NTM: variants seen among roughly 807,000 people sequenced by gnomAD.
NTM encodes the protein neurotrimin, also known as IgLON family member 2.
In NTM, 13 loss-of-function variants were observed where a neutral mutation model predicts 42.1. The ratio of observed to expected loss-of-function variants is 0.31; its 90% confidence interval spans 0.20 to 0.49. The LOEUF is 0.49. Among genes scored for constraint, NTM ranks in the 20% least tolerant of loss-of-function variants. The pLI, the probability that NTM is intolerant of heterozygous loss-of-function variation, is 0.99. For synonymous variants in NTM, 187 were observed against 179.2 expected (o/e 1.04, Z -0.35); for missense variants, 373 against 452.8 (o/e 0.82, Z 1.60).
At position 132,248,650 on chromosome 11, in the gene NTM, A is replaced by G. The variant is rs574214373; in HGVS notation, c.526+36503A>G. ...GTCTGGAAGTGCCCCTCCCTCAGAAATGGACGTCATATCAAGCTGGTGGCT... is the reference window on the plus strand; with the variant it reads ...GTCTGGAAGTGCCCCTCCCTCAGAAGTGGACGTCATATCAAGCTGGTGGCT... On this transcript the variant is annotated intron_variant, in intron 4 of 8. Coordinates refer to ENST00000683400, the MANE Select transcript of NTM (RefSeq NM_001352005.2). 5.9e-5 allele frequency among the ~76,000 whole-genome samples: 9 copies of G among 152,304 alleles called. No homozygotes were observed. In the South Asian group the frequency reaches 1.7e-3, roughly 28 times the overall value.
intron 1 of NTM, chr11:131,771,476 T>A (rs1240075063): frequency 6.6e-6 from 1 of 152,226 alleles, no homozygotes; most frequent in South Asian, 2.1e-4. Context: ...GCCTTAATCA[T>A]CTTCATCATC....
At chr11:131,623,682 C>A (rs1056211837) in intron 1 of NTM, among the ~76,000 whole-genome samples, 1 of 152,196 alleles carries the variant, frequency 6.6e-6, no homozygotes, top group South Asian at 2.1e-4. Context: ...GAGTGACCCC[C>A]GCAGATGGTT....
intron 3 of NTM, among the ~76,000 whole-genome samples, chr11:132,201,664 G>A (rs965905926): frequency 1.3e-5 from 2 of 152,176 alleles, no homozygotes; most frequent in African/African-American, 4.8e-5. Flanking sequence ...ATAAATCCTG[G>A]TCAGCACATC....
chr11:131,631,150 G>A (rs2063615382), intron 1 of NTM, among the ~76,000 whole-genome samples: 1 of 152,202 alleles, frequency 6.6e-6, no homozygotes, highest in South Asian at 2.1e-4. Flanking sequence ...CTAACAATTT[G>A]GTTACTCTCC....
At chr11:132,160,409 C>T (rs1216288755) in intron 3 of NTM, among the ~76,000 whole-genome samples, 1 of 152,202 alleles carries the variant, frequency 6.6e-6, no homozygotes, top group Non-Finnish European at 1.5e-5. Context: ...CTTCACCCCT[C>T]TCCTACCAAC....
At chr11:132,290,663 C>G (rs1297216952) in intron 4 of NTM, among the ~76,000 whole-genome samples, 1 of 152,166 alleles carries the variant, frequency 6.6e-6, no homozygotes, top group Non-Finnish European at 1.5e-5. Flanking sequence ...TACTATCTCT[C>G]TTTAATGGAC....
chr11:132,199,881 A>G (rs1032940331), intron 3 of NTM, among the ~76,000 whole-genome samples: 1 of 151,256 alleles, frequency 6.6e-6, no homozygotes, highest in Non-Finnish European at 1.5e-5. Flanking sequence ...TCGGGGGGAG[A>G]TAAAGGAATC....
Position 131,961,744 on chromosome 11 carries a change from C to T in NTM, c.167+50096C>T, listed in dbSNP as rs191735492. On this transcript the variant is annotated intron_variant, in intron 2 of 8. Transcript: ENST00000683400. ...CCCTGAGAGGGGGTCAAAAGTCAGACTGAGTGAGTGAGTCTTCCAGAACTG... is the reference window on the plus strand; with the variant it reads ...CCCTGAGAGGGGGTCAAAAGTCAGATTGAGTGAGTGAGTCTTCCAGAACTG... Among the ~76,000 whole-genome samples, 41 of 152,294 alleles carry T rather than the reference C, an allele frequency of 2.7e-4. No individual in the cohort carries two copies. The East Asian group carries it at 7.9e-3, about 29-fold the overall frequency.
Position 131,510,589 on chromosome 11 carries a change from A to C in NTM, c.82+139701A>C, listed in dbSNP as rs1487710329. ...TAACTTCAGCCTTAATTTTTTAAAA[A>C]TTCTAAAAACCAATTTCTATCTATC... On this transcript the variant is annotated intron_variant, in intron 1 of 8. Transcript: ENST00000683400. 2.0e-5 allele frequency among the ~76,000 whole-genome samples: 3 copies of C among 152,216 alleles called. No individual in the cohort carries two copies. In the East Asian group the frequency reaches 5.8e-4, roughly 29 times the overall value.
chr11:132,195,192 T>TA (rs1294925273), intron 3 of NTM, among the ~76,000 whole-genome samples: 1 of 151,954 alleles, frequency 6.6e-6, no homozygotes, highest in Non-Finnish European at 1.5e-5. Context: ...CAATCTCAAT[T>TA]ACGATAGCCA....
At chr11:132,231,880 C>A (rs563111064) in intron 4 of NTM, among the ~76,000 whole-genome samples, 1 of 148,946 alleles carries the variant, frequency 6.7e-6, no homozygotes, top group African/African-American at 2.5e-5. Context: ...TCAGCTCTGA[C>A]GCTGTTTTCA....
At chr11:131,907,296 T>C (rs763737573) in intron 1 of NTM, among the ~76,000 whole-genome samples, 96 of 152,242 alleles carry the variant, frequency 6.3e-4, no homozygotes, top group Non-Finnish European at 1.0e-3. Context: ...TTCTCTTTCA[T>C]TGGGAGTTCT....
intron 4 of NTM, among the ~76,000 whole-genome samples, chr11:132,262,656 A>G (rs2092933730): frequency 6.6e-6 from 1 of 152,152 alleles, no homozygotes; most frequent in South Asian, 2.1e-4. Context: ...CAAATGCCTC[A>G]TCTCCTAATA....
At chr11:131,526,648 T>G (rs1301209756) in intron 1 of NTM, among the ~76,000 whole-genome samples, 1 of 152,178 alleles carries the variant, frequency 6.6e-6, no homozygotes, top group African/African-American at 2.4e-5. Flanking sequence ...GGCCAATTGA[T>G]TCCTACTTTT....
intron 2 of NTM, among the ~76,000 whole-genome samples, chr11:131,963,955 C>G (rs184331463): frequency 1.9e-4 from 29 of 152,314 alleles, no homozygotes; most frequent in Admixed American, 7.8e-4. Flanking sequence ...TCTAATCTGT[C>G]TTAGTATAAC....
intron 1 of NTM, among the ~76,000 whole-genome samples, chr11:131,594,604 G>T (rs906376248): frequency 6.6e-6 from 1 of 151,790 alleles, no homozygotes; most frequent in Non-Finnish European, 1.5e-5. Context: ...TTACTATATT[G>T]CCCAGGCTGT....
intron 1 of NTM, among the ~76,000 whole-genome samples, chr11:131,792,816 G>T (rs1422556835): frequency 2.0e-5 from 3 of 152,172 alleles, no homozygotes; most frequent in Admixed American, 6.5e-5. Context: ...AAGAAAGACT[G>T]GGCTTTAAAA....
chr11:131,860,502 G>A (rs965344489), intron 1 of NTM, among the ~76,000 whole-genome samples: 3 of 152,190 alleles, frequency 2.0e-5, no homozygotes, highest in African/African-American at 7.2e-5. Flanking sequence ...GTCTTAACTG[G>A]ACGCTGGTCA....
intron 1 of NTM, among the ~76,000 whole-genome samples, chr11:131,815,028 G>C (rs988963795): frequency 1.3e-5 from 2 of 152,094 alleles, no homozygotes; most frequent in Non-Finnish European, 2.9e-5. Context: ...GTTTTCTATT[G>C]AGCAATCCGA....
Sources: gnomAD v4.1 joint callset for allele counts (sites outside exome capture counted in the v4.1 genomes callset) on GRCh38, gnomAD v4.1.1 for gene constraint, MANE v1.5 for transcripts, NCBI Gene and HGNC (gene_info 2026-07-23, HGNC 2026-07-21) for gene names.